Variants in PPP3CC observed in about 807,000 individuals in gnomAD.
The protein encoded by PPP3CC is protein phosphatase 3 catalytic subunit gamma.
A neutral mutation model predicts 60.3 loss-of-function variants in PPP3CC; 35 were observed. The observed-to-expected ratio is 0.58, with a 90% CI of 0.44 to 0.77. The LOEUF is 0.77. PPP3CC is among the 30% of genes least tolerant of loss of function. The pLI is 0.00. For synonymous variants in PPP3CC, 206 were observed against 224.3 expected (o/e 0.92, Z 0.73); for missense variants, 570 against 628.9 (o/e 0.91, Z 1.00).
intron 6 of PPP3CC, 96 bp from the exon 7 acceptor site, chr8:22,522,395 A>G: frequency 5.3e-6 from 5 of 940,312 alleles, no homozygotes; most frequent in Non-Finnish European, 8.0e-6. Context: ...TAGTTTTGAA[A>G]CAAAATCAGC....
chr8:22,485,780 G>A (rs893366068), intron 3 of PPP3CC, among the ~76,000 whole-genome samples: 11 of 152,280 alleles, frequency 7.2e-5, no homozygotes, highest in African/African-American at 1.9e-4. Flanking sequence ...TGGTATGTCC[G>A]AAGAACAAAG....
chr8:22,483,552 C>A (rs1428816855), intron 3 of PPP3CC, among the ~76,000 whole-genome samples: 1 of 152,214 alleles, frequency 6.6e-6, no homozygotes, highest in Non-Finnish European at 1.5e-5. Flanking sequence ...TCCCAAAGTG[C>A]TGGGATTATA....
At position 22,485,016 on chromosome 8, in the gene PPP3CC, A is replaced by G. The variant is rs191651556; in HGVS notation, c.372+9392A>G. Among the ~76,000 whole-genome samples the G allele has an allele frequency of 1.4e-4, 22 of 152,308 alleles. No individual in the cohort carries two copies. The South Asian group carries it at 2.1e-3, about 14-fold the overall frequency. On this transcript the variant is annotated intron_variant, in intron 3 of 13. Transcript: ENST00000240139. ...CTCAAAATATCAATGAGATACGCAT[A>G]TCTTATTTGGAGTATATTATTTTCT...
At chr8:22,493,886 G>A (rs754451416) in intron 3 of PPP3CC, among the ~76,000 whole-genome samples, 47 of 152,108 alleles carry the variant, frequency 3.1e-4, no homozygotes, top group Non-Finnish European at 5.9e-4. Context: ...ATTATGTACT[G>A]TACATAATTG....
At chr8:22,487,473 A>T (rs1487847370) in intron 3 of PPP3CC, among the ~76,000 whole-genome samples, 1 of 152,040 alleles carries the variant, frequency 6.6e-6, no homozygotes, top group Non-Finnish European at 1.5e-5. Flanking sequence ...AAAATACAAC[A>T]AATTAACCAG....
chr8:22,531,174 G>GATA (rs1013631149), intron 10 of PPP3CC: 1 of 862,092 alleles, frequency 1.2e-6, no homozygotes, highest in African/African-American at 1.7e-5. Flanking sequence ...AGCTGGTAAA[G>GATA]ATAATAGCCT....
At chr8:22,465,857 C>T (rs1837504917) in intron 1 of PPP3CC, among the ~76,000 whole-genome samples, 1 of 151,806 alleles carries the variant, frequency 6.6e-6, no homozygotes, top group African/African-American at 2.4e-5. Context: ...AAAAATTATT[C>T]TTTAAGTTCT....
intron 12 of PPP3CC, 95 bp downstream of exon 12, chr8:22,533,113 C>T (rs752299128): frequency 2.5e-5 from 23 of 907,862 alleles, no homozygotes; most frequent in African/African-American, 6.9e-5. Flanking sequence ...GAAAATGCCA[C>T]GAGAGCAGTT....
At chr8:22,536,883 C>A (rs894532442) in intron 12 of PPP3CC, among the ~76,000 whole-genome samples, 1 of 152,028 alleles carries the variant, frequency 6.6e-6, no homozygotes, top group Non-Finnish European at 1.5e-5. Context: ...GAGGGATTGG[C>A]GTGAGTTACA....
At chr8:22,481,345 AAATAATAATAATAAT>A (rs56115827) in intron 3 of PPP3CC, among the ~76,000 whole-genome samples, 7 of 144,004 alleles carry the variant, frequency 4.9e-5, no homozygotes, top group South Asian at 2.2e-4. Flanking sequence ...CAAGAAAAAT[AAATAATAATAATAAT>A]AATAATAATA....
intron 1 of PPP3CC, among the ~76,000 whole-genome samples, chr8:22,474,510 G>C (rs1240504300): frequency 6.6e-6 from 1 of 151,888 alleles, no homozygotes; most frequent in Non-Finnish European, 1.5e-5. Context: ...TCGAGAGCAG[G>C]CTGGCCAACA....
chr8:22,468,416 G>C (rs1008090995), intron 1 of PPP3CC, among the ~76,000 whole-genome samples: 5 of 152,142 alleles, frequency 3.3e-5, no homozygotes, highest in African/African-American at 1.2e-4. Context: ...GAAGTTGCTA[G>C]TCATTCTAAA....
intron 4 of PPP3CC, among the ~76,000 whole-genome samples, chr8:22,500,775 C>T (rs1263934512): frequency 2.6e-5 from 4 of 152,224 alleles, no homozygotes; most frequent in African/African-American, 9.6e-5. Context: ...ACAAATCCTT[C>T]CAGCCCTTGG....
intron 1 of PPP3CC, among the ~76,000 whole-genome samples, chr8:22,446,927 A>G (rs1166930675): frequency 6.6e-6 from 1 of 152,000 alleles, no homozygotes; most frequent in South Asian, 2.1e-4. Context: ...CTTAATTGCT[A>G]AATGACTAAT....
chr8:22,502,669 C>T (rs1315074537), intron 4 of PPP3CC, among the ~76,000 whole-genome samples: 1 of 152,108 alleles, frequency 6.6e-6, no homozygotes, highest in Non-Finnish European at 1.5e-5. Flanking sequence ...GGTGACAGAG[C>T]AAGACTCTGT....
chr8:22,502,228 TA>T (rs1340083687), intron 4 of PPP3CC, among the ~76,000 whole-genome samples: 4 of 152,182 alleles, frequency 2.6e-5, no homozygotes, highest in African/African-American at 9.6e-5. Context: ...ACCACACAGA[TA>T]TACTCACAAA....
chr8:22,524,998 A>T (rs1839500329), intron 8 of PPP3CC, among the ~76,000 whole-genome samples: 1 of 152,148 alleles, frequency 6.6e-6, no homozygotes, highest in African/African-American at 2.4e-5. Context: ...GAAAAATTTA[A>T]AAGTTAGCCA....
rs181605191 is a variant in PPP3CC at position 22,462,645 on chromosome 8, A to T, written c.50-12309A>T. Among the ~76,000 whole-genome samples the T allele has an allele frequency of 7.5e-3, 1,124 of 149,470 alleles. 21 individuals carry two copies. Among genetic ancestry groups the T allele is most frequent in the African/African-American group, 0.027 (1,077 of 40,500 alleles). ...GAGTGCGGTGGCACGATCTCGGCTCACTGCAAGCTCCGCCTCCTGAGTTCA... is the reference window on the plus strand; with the variant it reads ...GAGTGCGGTGGCACGATCTCGGCTCTCTGCAAGCTCCGCCTCCTGAGTTCA... On this transcript the variant is annotated intron_variant, in intron 1 of 13. Coordinates refer to ENST00000240139, the MANE Select transcript of PPP3CC (RefSeq NM_005605.5).
intron 3 of PPP3CC, among the ~76,000 whole-genome samples, chr8:22,479,414 T>C (rs1837994464): frequency 6.6e-6 from 1 of 152,148 alleles, no homozygotes; most frequent in Non-Finnish European, 1.5e-5. Context: ...CCTTTTCTGA[T>C]CTTCTTTTTC....
Sources: gnomAD v4.1 joint callset for allele counts (sites outside exome capture counted in the v4.1 genomes callset) on GRCh38, gnomAD v4.1.1 for gene constraint, MANE v1.5 for transcripts, NCBI Gene and HGNC (gene_info 2026-07-23, HGNC 2026-07-21) for gene names.